The following TET2 variants were observed in gnomAD, a reference collection of about 807,000 sequenced individuals.
TET2 encodes tet methylcytosine dioxygenase 2.
TET2 carries 299 observed loss-of-function variants against 142.9 expected under a neutral mutation model. The ratio of observed to expected loss-of-function variants is 2.09; its 90% CI spans 1.90 to 2.30. TET2 has a LOEUF of 2.30. Ranked by LOEUF, TET2 falls within the 30% of genes most tolerant of loss-of-function variation. The pLI is 0.00. For synonymous variants in TET2, 819 were observed against 849.0 expected, an observed-to-expected ratio of 0.96 and a Z score of 0.61; for missense variants, 2,418 against 2,378.0, an observed-to-expected ratio of 1.02 and a Z score of -0.35.
In TET2 at chr4:105,235,650, C is replaced by G; in HGVS notation, c.1708C>G (p.Pro570Ala). Residue 570 changes from proline to alanine, a missense_variant, in exon 3 of 11, where the codon CCT (proline) becomes GCT (alanine). By Grantham distance (27) the Pro-to-Ala change is conservative. Coordinates refer to ENST00000380013, the MANE Select transcript of TET2 (RefSeq NM_001127208.3). The part of the protein sequence containing the change: ...LKPGWIELKA[P>A]RFHQAESHLK... ...ACCAGGATGGATTGAATTGAAGGCC[C>G]CTCGTTTTCACCAAGCGGAATCCCA... The G allele has an allele frequency of 6.2e-7, 1 of 1,614,108 alleles. No individual in the cohort carries two copies. Among genetic ancestry groups the G allele is most frequent in the Non-Finnish European group, 8.5e-7 (1 of 1,180,002 alleles).
At chr4:105,274,863 G>A (rs1054640575) in intron 10 of TET2, among the ~76,000 whole-genome samples, 185 bp from the exon 11 acceptor site, 4 of 151,926 alleles carry the variant, frequency 2.6e-5, no homozygotes, top group Admixed American at 6.6e-5. Context: ...TATTTCTAAT[G>A]CCTTAGACAA....
At chr4:105,230,454 CAT>C (rs777079815) in intron 2 of TET2, among the ~76,000 whole-genome samples, 1 of 152,196 alleles carries the variant, frequency 6.6e-6, no homozygotes, top group Admixed American at 6.5e-5. Context: ...TCAAAAGCCA[CAT>C]GAGAGAGTAT....
intron 1 of TET2, among the ~76,000 whole-genome samples, chr4:105,186,117 C>A (rs1179171228): frequency 6.6e-6 from 1 of 152,018 alleles, no homozygotes; most frequent in Non-Finnish European, 1.5e-5. Context: ...GTAGTCCTAG[C>A]CACTTGGGAG....
intron 3 of TET2, chr4:105,240,788 T>TA: frequency 9.3e-7 from 1 of 1,079,734 alleles, no homozygotes; most frequent in Non-Finnish European, 1.1e-6. Context: ...TAAATTGTTC[T>TA]AAAGTACATA....
intron 1 of TET2, among the ~76,000 whole-genome samples, chr4:105,173,763 A>G (rs377452436): frequency 2.0e-4 from 30 of 152,324 alleles, no homozygotes; most frequent in East Asian, 9.6e-4. Flanking sequence ...GGTAAATTAA[A>G]ACATTTATAA....
At chr4:105,198,788 A>T (rs1251620907) in intron 2 of TET2, among the ~76,000 whole-genome samples, 1 of 152,106 alleles carries the variant, frequency 6.6e-6, no homozygotes, top group Non-Finnish European at 1.5e-5. Context: ...ATATTTGGGA[A>T]CTCACTGATC....
At chr4:105,185,353 T>C (rs969217881) in intron 1 of TET2, among the ~76,000 whole-genome samples, 2 of 152,234 alleles carry the variant, frequency 1.3e-5, no homozygotes, top group African/African-American at 2.4e-5. Context: ...AAGGGTGTGC[T>C]AAGGTAAACA....
At chr4:105,211,183 TTTTCA>T (rs949135025) in intron 2 of TET2, among the ~76,000 whole-genome samples, 3 of 152,212 alleles carry the variant, frequency 2.0e-5, no homozygotes, top group African/African-American at 7.2e-5. Flanking sequence ...ATCATTGGCT[TTTTCA>T]TTCAGTTCAG....
chr4:105,190,441 G>C lies in TET2; in HGVS notation c.-111G>C, dbSNP rs1367154659. 1.3e-5 allele frequency: 9 copies of C among 701,850 alleles called. No individual in the cohort carries two copies. The highest frequency in any genetic ancestry group is 8.0e-5 in the Admixed American group (4 of 49,888). The allele number at this position is 701,850 out of a possible 1,614,324, so 43.5% of individuals were successfully genotyped here. A position where few individuals can be genotyped will look rare whatever the true frequency, so the allele number is the denominator to read the frequency against. ...GTTGAGTTACAACGCTTGGAAGCAGGAGATGGGCTCAGCAGCAGCCAATAG... is the reference window on the plus strand; with the variant it reads ...GTTGAGTTACAACGCTTGGAAGCAGCAGATGGGCTCAGCAGCAGCCAATAG... On this transcript the variant is annotated 5_prime_UTR_variant, in exon 2 of 11. Transcript: ENST00000380013.
At chr4:105,224,770 A>G (rs1728082654) in intron 2 of TET2, among the ~76,000 whole-genome samples, 1 of 146,012 alleles carries the variant, frequency 6.8e-6, no homozygotes, top group South Asian at 2.1e-4. Flanking sequence ...ATTAGCTGAA[A>G]TTATTGAGTG....
At chr4:105,153,752 A>G (rs750280623) in intron 1 of TET2, among the ~76,000 whole-genome samples, 10 of 152,222 alleles carry the variant, frequency 6.6e-5, no homozygotes, top group Admixed American at 1.3e-4. Flanking sequence ...ATTATACTTC[A>G]TCATTATCAT....
chr4:105,259,475 C>T (rs766323801), intron 6 of TET2, 144 bp from the exon 7 acceptor site: 22 of 646,882 alleles, frequency 3.4e-5, no homozygotes, highest in Admixed American at 6.9e-5. Context: ...TGAAATAGTT[C>T]TGTGTGTGGT....
chr4:105,249,608 T>C (rs1250867888), intron 6 of TET2, among the ~76,000 whole-genome samples: 1 of 152,110 alleles, frequency 6.6e-6, no homozygotes, highest in East Asian at 1.9e-4. Context: ...CTCAAGAAAA[T>C]GTTATTGTCT....
chr4:105,252,202 A>G (rs552245046), intron 6 of TET2, among the ~76,000 whole-genome samples: 1 of 151,974 alleles, frequency 6.6e-6, no homozygotes. Context: ...TACCCCACTA[A>G]CCCTTAGCAA....
intron 1 of TET2, among the ~76,000 whole-genome samples, chr4:105,170,963 A>C (rs113089992): frequency 0.014 from 2,097 of 152,242 alleles, 30 homozygotes; most frequent in Middle Eastern, 0.058. Flanking sequence ...CTCCTTCTAC[A>C]CTAGGAGAAA....
At chr4:105,153,089 T>C (rs564445604) in intron 1 of TET2, among the ~76,000 whole-genome samples, 11 of 152,364 alleles carry the variant, frequency 7.2e-5, no homozygotes, top group African/African-American at 1.4e-4. Flanking sequence ...ATATTTTTAA[T>C]TGAAATATTT....
intron 2 of TET2, among the ~76,000 whole-genome samples, chr4:105,203,808 A>G (rs972403440): frequency 5.9e-5 from 9 of 152,162 alleles, no homozygotes. Flanking sequence ...ATAATAAGGA[A>G]TCTACAGCCT....
chr4:105,168,429 G>A (rs1306726127), intron 1 of TET2, among the ~76,000 whole-genome samples: 1 of 151,832 alleles, frequency 6.6e-6, no homozygotes, highest in Non-Finnish European at 1.5e-5. Context: ...CCTCTTCCTG[G>A]AGCACCCTTC....
At chr4:105,273,407 T>C (rs1731060194) in intron 10 of TET2, among the ~76,000 whole-genome samples, 1 of 152,188 alleles carries the variant, frequency 6.6e-6, no homozygotes, top group African/African-American at 2.4e-5. Context: ...ATGAAATTCA[T>C]TGTAATTTGG....
Sources: allele counts gnomAD v4.1 joint callset (sites outside exome capture counted in the v4.1 genomes callset), GRCh38; gene constraint gnomAD v4.1.1; transcripts MANE v1.5; gene names NCBI Gene and HGNC (gene_info 2026-07-23, HGNC 2026-07-21).